RASA1: variants seen among roughly 807,000 people sequenced by gnomAD.
The protein encoded by RASA1 is ras GTPase-activating protein 1.
A neutral mutation model predicts 132.2 loss-of-function variants in RASA1; 25 were observed. That is an observed-to-expected ratio of 0.19 (90% confidence interval 0.14 to 0.26). RASA1 has a LOEUF of 0.26. Ranked by LOEUF, RASA1 falls within the 10% of genes least tolerant of loss-of-function variation. RASA1 has a pLI of 1.00. For synonymous variants in RASA1, 477 were observed against 449.9 expected, an observed-to-expected ratio of 1.06 and a Z score of -0.76; for missense variants, 964 against 1,299.2, an observed-to-expected ratio of 0.74 and a Z score of 3.97.
At chr5:87,288,144 C>T (rs538051560) in intron 1 of RASA1, among the ~76,000 whole-genome samples, 2 of 144,788 alleles carry the variant, frequency 1.4e-5, no homozygotes, top group East Asian at 4.0e-4. Context: ...TATATACACA[C>T]CATATATATA....
chr5:87,268,557 G>T lies in RASA1; in HGVS notation c.106G>T (p.Val36Leu). 6.2e-7 allele frequency: 1 copy of T among 1,605,094 alleles called. No individual in the cohort carries two copies. Residue 36 changes from valine to leucine, a missense_variant, in exon 1 of 25, where the codon GTG (valine) becomes TTG (leucine). Transcript: ENST00000274376. ...GSSAYPAVCRVKIPAALPVAA... is the reference protein window; with the variant it reads ...GSSAYPAVCRLKIPAALPVAA... The stretch of plus-strand genomic sequence containing the variant: ...CAGTGCCTATCCCGCAGTGTGTCGG[G>T]TGAAGATACCCGCGGCCCTGCCTGT...
chr5:87,347,061 C>T (rs772808566), intron 7 of RASA1, among the ~76,000 whole-genome samples: 16 of 151,940 alleles, frequency 1.1e-4, no homozygotes, highest in Non-Finnish European at 2.1e-4. Context: ...GAACATGCAA[C>T]ACACTTTTTT....
chr5:87,354,733 GA>G (rs1162314582), intron 9 of RASA1, among the ~76,000 whole-genome samples: 1 of 152,158 alleles, frequency 6.6e-6, no homozygotes, highest in African/African-American at 2.4e-5. Flanking sequence ...AAAATAGGCT[GA>G]AAGCTAGGTC....
intron 6 of RASA1, 106 bp downstream of exon 6, chr5:87,341,427 T>C: frequency 1.6e-6 from 1 of 636,250 alleles, no homozygotes; most frequent in East Asian, 3.6e-5. Context: ...TTGGACTGAC[T>C]TAACTTTTAA....
chr5:87,303,664 G>C (rs974509637), intron 1 of RASA1, among the ~76,000 whole-genome samples: 4 of 151,868 alleles, frequency 2.6e-5, no homozygotes, highest in African/African-American at 4.8e-5. Flanking sequence ...CATTTGAAAT[G>C]AGGCTCGCTT....
rs140937107 is a variant in RASA1, at chr5:87,289,795, A to G, written c.539+20805A>G. On this transcript the variant is annotated intron_variant, in intron 1 of 24. Transcript: ENST00000274376. ...CCAGCTAATGCTTTATTTTTTGTAT[A>G]GACAGGTTCTCACCAATTTCCCAGG... 2.8e-3 allele frequency among the ~76,000 whole-genome samples: 420 copies of G among 152,192 alleles called. 2 individuals carry two copies. The highest frequency in any genetic ancestry group is 9.6e-3 in the African/African-American group (399 of 41,516).
At chr5:87,320,019 T>C (rs1756667798) in intron 1 of RASA1, among the ~76,000 whole-genome samples, 1 of 152,142 alleles carries the variant, frequency 6.6e-6, no homozygotes, top group Admixed American at 6.5e-5. Context: ...CCCTAAATCA[T>C]CTCTCAAGTT....
At chr5:87,329,707 TG>T (rs1757474087) in intron 1 of RASA1, among the ~76,000 whole-genome samples, 1 of 152,146 alleles carries the variant, frequency 6.6e-6, no homozygotes, top group Non-Finnish European at 1.5e-5. Context: ...ATTTTATCTT[TG>T]TTGGGTATAT....
At chr5:87,326,603 T>A (rs1056348265) in intron 1 of RASA1, among the ~76,000 whole-genome samples, 1 of 152,186 alleles carries the variant, frequency 6.6e-6, no homozygotes, top group Non-Finnish European at 1.5e-5. Context: ...CATTAAATGC[T>A]TTATTATTAA....
chr5:87,323,659 A>T (rs1372683655), intron 1 of RASA1, among the ~76,000 whole-genome samples: 1 of 151,940 alleles, frequency 6.6e-6, no homozygotes, highest in Admixed American at 6.5e-5. Flanking sequence ...TTTGTAAAGT[A>T]TATTGTAAAG....
chr5:87,320,932 A>G (rs879842630), intron 1 of RASA1, among the ~76,000 whole-genome samples: 14 of 152,352 alleles, frequency 9.2e-5, no homozygotes, highest in Non-Finnish European at 1.9e-4. Flanking sequence ...GGAGCCTTTC[A>G]TGGTGGCTTT....
intron 2 of RASA1, 141 bp downstream of exon 2, chr5:87,331,641 C>T: frequency 1.0e-6 from 1 of 997,938 alleles, no homozygotes; most frequent in Non-Finnish European, 1.5e-6. Context: ...ATGATTTAAT[C>T]AGTGATTTAG....
chr5:87,348,996 G>A (rs747409267), intron 7 of RASA1, among the ~76,000 whole-genome samples: 32 of 151,732 alleles, frequency 2.1e-4, no homozygotes, highest in Non-Finnish European at 4.3e-4. Context: ...ATGTATTAAA[G>A]CTGGTAAGAT....
intron 1 of RASA1, among the ~76,000 whole-genome samples, chr5:87,313,177 G>GAAA (rs1756050904): frequency 6.6e-6 from 1 of 152,160 alleles, no homozygotes; most frequent in African/African-American, 2.4e-5. Context: ...CTCAGTTTTT[G>GAAA]ATGTGATCAA....
chr5:87,325,697 A>G (rs1435806429), intron 1 of RASA1, among the ~76,000 whole-genome samples: 1 of 152,218 alleles, frequency 6.6e-6, no homozygotes, highest in Non-Finnish European at 1.5e-5. Flanking sequence ...GGTAACTTCA[A>G]TTTAGTTTTC....
chr5:87,357,856 G>GC (rs1410901545), intron 9 of RASA1, among the ~76,000 whole-genome samples: 1 of 152,302 alleles, frequency 6.6e-6, no homozygotes, highest in East Asian at 1.9e-4. Flanking sequence ...TTGCAGAAGT[G>GC]CCTATAATGC....
chr5:87,338,612 T>C, intron 5 of RASA1, among the ~76,000 whole-genome samples: 1 of 148,400 alleles, frequency 6.7e-6, no homozygotes, highest in East Asian at 2.0e-4. Context: ...CCTCAAGTGT[T>C]CCACCCGCCT....
intron 1 of RASA1, among the ~76,000 whole-genome samples, chr5:87,314,672 A>G (rs1283927981): frequency 6.6e-6 from 1 of 152,186 alleles, no homozygotes; most frequent in African/African-American, 2.4e-5. Context: ...AATGGCAAGT[A>G]AAGATGAGAA....
Position 87,391,313 on chromosome 5 carries a change from T to A in RASA1, c.*430T>A. 3.1e-6 allele frequency: 1 copy of A among 321,198 alleles called. No homozygotes were observed. The highest frequency in any genetic ancestry group is 5.9e-6 in the Non-Finnish European group (1 of 170,810). The allele number at this position is 321,198 out of a possible 1,614,324, so 19.9% of individuals were successfully genotyped here. On this transcript the variant is annotated 3_prime_UTR_variant, in exon 25 of 25. Transcript: ENST00000274376. The stretch of plus-strand genomic sequence containing the variant: ...AATTGTGTATAACTGGATTGCAGAC[T>A]GTTCTTACTGTAACTACTTCCTGAT...
Sources: allele counts gnomAD v4.1 joint callset (sites outside exome capture counted in the v4.1 genomes callset), GRCh38; gene constraint gnomAD v4.1.1; transcripts MANE v1.5; gene names NCBI Gene and HGNC (gene_info 2026-07-23, HGNC 2026-07-21).